The following PIGB variants were observed in gnomAD, a reference collection of about 807,000 sequenced individuals.
The protein encoded by PIGB is phosphatidylinositol glycan anchor biosynthesis class B, also known as GPI alpha-1,2-mannosyltransferase 3.
A neutral mutation model predicts 68.4 loss-of-function variants in PIGB; 58 were observed. That is an observed-to-expected ratio of 0.85 (90% CI 0.69 to 1.06). The LOEUF is 1.06. Among genes scored for constraint, PIGB ranks in the 50% least tolerant of loss-of-function variants. The pLI, the probability that PIGB is intolerant of heterozygous loss-of-function variation, is 0.00. For missense variants in PIGB, 634 were observed against 655.8 expected (o/e 0.97, Z 0.36); for synonymous variants, 219 against 220.5 (o/e 0.99, Z 0.06).
chr15:55,337,970 A>G (rs2055575246), intron 6 of PIGB, among the ~76,000 whole-genome samples: 1 of 152,222 alleles, frequency 6.6e-6, no homozygotes, highest in African/African-American at 2.4e-5. Context: ...AAACTCATCT[A>G]TGTTATCAGA....
chr15:55,350,438 C>T (rs1174633937), intron 9 of PIGB: 1 of 455,348 alleles, frequency 2.2e-6, no homozygotes, highest in African/African-American at 2.0e-5. Flanking sequence ...TGTGCTAGAA[C>T]TGGAATTCAA....
chr15:55,334,156 AT>A (rs1249742701), intron 6 of PIGB, 149 bp downstream of exon 6: 1 of 478,856 alleles, frequency 2.1e-6, no homozygotes, highest in Non-Finnish European at 3.5e-6. Context: ...CAAAACTTAT[AT>A]TTTTTATTTA....
chr15:55,344,523 C>A (rs913141384), intron 9 of PIGB, among the ~76,000 whole-genome samples: 4 of 152,230 alleles, frequency 2.6e-5, no homozygotes, highest in African/African-American at 9.6e-5. Context: ...ATGCCAACCT[C>A]ATAGTGGGAT....
chr15:55,347,871 G>A (rs2055830751), intron 9 of PIGB, among the ~76,000 whole-genome samples: 1 of 151,740 alleles, frequency 6.6e-6, no homozygotes, highest in African/African-American at 2.4e-5. Context: ...GGAAACACAA[G>A]CATGTTATCT....
rs1273970398 is a variant in PIGB, at chr15:55,354,904, A to T, written c.1444A>T (p.Asn482Tyr). 6.2e-7 allele frequency: 1 copy of T among 1,613,584 alleles called. No individual in the cohort carries two copies. The highest frequency in any genetic ancestry group is 2.2e-5 in the East Asian group (1 of 44,856). ...AGATGTATTTTACCTAAATCCCTTA[A>T]ACTGGTTACATAGAGAGTTTCATGA... is the stretch of plus-strand genomic sequence containing the variant. Reference protein sequence around the residue: ...EADVFYLNPLNWLHREFHDDA... With the variant: ...EADVFYLNPLYWLHREFHDDA... The change falls in exon 11 of 12, where the codon AAC becomes TAC. Residue 482 changes from asparagine to tyrosine, a missense_variant. Transcript: ENST00000164305.
At position 55,355,391 on chromosome 15, in the gene PIGB, CG is replaced by C. The variant is rs774234795; in HGVS notation, c.1626del (p.Lys543SerfsTer2). ...RIGSHIYVYE[R>X]KLKGKFNMKM... is the part of the protein sequence containing the mutation. ...TGGAAGTCACATATATGTCTATGAACGGAAGTTAAAAGGGAAATTCAACATG... is the reference window on the plus strand; with the variant it reads ...TGGAAGTCACATATATGTCTATGAACGAAGTTAAAAGGGAAATTCAACATG... On this transcript the variant is annotated frameshift_variant, in exon 12 of 12. Transcript: ENST00000164305. LOFTEE classifies it high-confidence loss of function. 6 of 1,609,312 alleles carry C rather than the reference CG, an allele frequency of 3.7e-6. No individual in the cohort carries two copies. In the African/African-American group the frequency reaches 5.4e-5, roughly 14 times the overall value.
chr15:55,322,772 AG>A (rs1276291981), intron 3 of PIGB, among the ~76,000 whole-genome samples: 1 of 152,216 alleles, frequency 6.6e-6, no homozygotes, highest in Non-Finnish European at 1.5e-5. Context: ...GCAGTAGCAG[AG>A]TTTCTTCCAT....
intron 3 of PIGB, among the ~76,000 whole-genome samples, chr15:55,325,962 C>T (rs566417411): frequency 2.5e-3 from 385 of 151,946 alleles, no homozygotes; most frequent in African/African-American, 8.7e-3. Flanking sequence ...GTTGGGAGGC[C>T]GAGGCAGGCG....
chr15:55,327,447 G>T, intron 3 of PIGB, 84 bp from the exon 4 acceptor site: 1 of 837,430 alleles, frequency 1.2e-6, no homozygotes, highest in Non-Finnish European at 1.9e-6. Flanking sequence ...ATAGATAGTT[G>T]GATCAGCTTG....
At position 55,351,970 on chromosome 15, in the gene PIGB, T is replaced by TG. The variant is rs2055935604; in HGVS notation, c.1337+1060dup. 3 of 148,374 alleles carry TG rather than the reference T, an allele frequency of 2.0e-5. No individual in the cohort carries two copies. The Admixed American group carries it at 2.1e-4, about 10-fold the overall frequency. 9.2% of individuals were successfully genotyped at this position (148,374 alleles called of 1,614,324 possible). The stretch of plus-strand genomic sequence containing the variant: ...AGACTTCTTTTTTTTTTTTTTTAGA[T>TG]GGAGTTTTGCTCTTGTTGCCCAGGC... On this transcript the variant is annotated intron_variant, in intron 10 of 11. Transcript: ENST00000164305.
chr15:55,354,719 G>A, intron 10 of PIGB, 79 bp from the exon 11 acceptor site: 1 of 1,106,300 alleles, frequency 9.0e-7, no homozygotes, highest in Non-Finnish European at 1.3e-6. Context: ...ATTTTGCTAA[G>A]TATAAATGAC....
chr15:55,322,114 C>T (rs1321707087), intron 3 of PIGB, among the ~76,000 whole-genome samples: 14 of 151,678 alleles, frequency 9.2e-5, no homozygotes, highest in African/African-American at 3.1e-4. Flanking sequence ...GTGGAGGTTG[C>T]GGTGAGCCGA....
Position 55,327,492 on chromosome 15 carries a change from A to G in PIGB, c.418-39A>G, listed in dbSNP as rs370991211. The G allele has an allele frequency of 1.5e-5, 20 of 1,324,530 alleles. No homozygotes were observed. In the African/African-American group the frequency reaches 1.9e-4, roughly 13 times the overall value. 82.0% of individuals were successfully genotyped at this position (1,324,530 alleles called of 1,614,324 possible). A position where few individuals can be genotyped will look rare whatever the true frequency, so the allele number is the denominator to read the frequency against. ...ATCATAATTCAGTTTGAACCAACAGATATTTTTAACATCCTGTTCTTCTTT... is the reference window on the plus strand; with the variant it reads ...ATCATAATTCAGTTTGAACCAACAGGTATTTTTAACATCCTGTTCTTCTTT... On this transcript the variant is annotated intron_variant, in intron 3 of 11. Coordinates refer to ENST00000164305, the MANE Select transcript of PIGB (RefSeq NM_004855.5).
chr15:55,321,335 T>G lies in PIGB; in HGVS notation c.362T>G (p.Phe121Cys), dbSNP rs2055158202. 1 of 1,608,098 alleles carries G rather than the reference T, an allele frequency of 6.2e-7. No individual in the cohort carries two copies. The highest frequency in any genetic ancestry group is 1.3e-5 in the African/African-American group (1 of 74,784). ...AGGAGTTACACTTATCCCTTAATCT[T>G]TGCAAGCATTTACAAGATTCTTCAT... Reference protein sequence around the residue: ...RLRSYTYPLIFASIYKILHLL... With the variant: ...RLRSYTYPLICASIYKILHLL... Residue 121 changes from phenylalanine to cysteine, a missense_variant, in exon 3 of 12, where the codon TTT becomes TGT. Phe to Cys is a radical substitution (Grantham distance 205). Transcript: ENST00000164305.
At chr15:55,348,097 TCCTGCCTCAG>T (rs776072492) in intron 9 of PIGB, among the ~76,000 whole-genome samples, 4 of 149,890 alleles carry the variant, frequency 2.7e-5, no homozygotes, top group African/African-American at 4.9e-5. Flanking sequence ...CAAGTGATTC[TCCTGCCTCAG>T]CCTGCCTCAG....
chr15:55,325,345 A>T (rs535072757), intron 3 of PIGB, among the ~76,000 whole-genome samples: 11 of 152,156 alleles, frequency 7.2e-5, no homozygotes, highest in Middle Eastern at 3.4e-3. Context: ...CACACAAAAT[A>T]AAAAAATAAA....
Position 55,340,628 on chromosome 15 carries a change from T to G in PIGB, c.863T>G (p.Phe288Cys). The G allele has an allele frequency of 1.2e-6, 2 of 1,610,902 alleles. No homozygotes were observed. Among genetic ancestry groups the G allele is most frequent in the African/African-American group, 2.7e-5 (2 of 75,012 alleles). Residue 288 changes from phenylalanine (F) to cysteine (C), a missense_variant, in exon 8 of 12, where the codon TTT becomes TGT. Coordinates refer to ENST00000164305, the MANE Select transcript of PIGB (RefSeq NM_004855.5). ...CGGTGCCAGTGGACTCTGGTTCAATTTAATTTTTTGAAATTTAACGTGCTG... is the reference window on the plus strand; with the variant it reads ...CGGTGCCAGTGGACTCTGGTTCAATGTAATTTTTTGAAATTTAACGTGCTG... ...IFFGQWTLVQ[F>C]NFLKFNVLQN...
chr15:55,324,362 T>G (rs2055232543), intron 3 of PIGB, among the ~76,000 whole-genome samples: 1 of 152,216 alleles, frequency 6.6e-6, no homozygotes, highest in East Asian at 1.9e-4. Context: ...CTTTAGCAGG[T>G]CCTTACTGTA....
chr15:55,320,906 G>A (rs1233321501), intron 2 of PIGB, among the ~76,000 whole-genome samples: 2 of 152,010 alleles, frequency 1.3e-5, no homozygotes, highest in Non-Finnish European at 2.9e-5. Flanking sequence ...TTTCTTTTAT[G>A]TTAATATACT....
Sources: gnomAD v4.1 joint callset for allele counts (sites outside exome capture counted in the v4.1 genomes callset) on GRCh38, gnomAD v4.1.1 for gene constraint, MANE v1.5 for transcripts, NCBI Gene and HGNC (gene_info 2026-07-23, HGNC 2026-07-21) for gene names.